SLC35D4: variants seen among roughly 807,000 people sequenced by gnomAD.
The protein encoded by SLC35D4 is UDP-N-acetylglucosamine transporter SLC35D4.
chr18:23,315,501 G>A, the SLC35D4 span, among the ~76,000 whole-genome samples: 26 of 152,292 alleles, frequency 1.7e-4, no homozygotes, highest in Non-Finnish European at 2.5e-4. Flanking sequence ...ATCTTTGAAC[G>A]TTCAGGGGCT....
At chr18:23,285,542 G>A in the SLC35D4 span, among the ~76,000 whole-genome samples, 2 of 152,030 alleles carry the variant, frequency 1.3e-5, no homozygotes, top group African/African-American at 4.8e-5. Flanking sequence ...GGTGCATGAC[G>A]TCCAGGCTTT....
the SLC35D4 span, among the ~76,000 whole-genome samples, chr18:23,395,213 T>C: frequency 1.3e-5 from 2 of 152,072 alleles, no homozygotes; most frequent in Non-Finnish European, 2.9e-5. Flanking sequence ...GGATGCTCCA[T>C]TCTACACCAA....
chr18:23,257,432 A>C, the SLC35D4 span: 1 of 1,489,034 alleles, frequency 6.7e-7, no homozygotes. Context: ...CTTACTTACT[A>C]CTGGAAATGA....
At chr18:23,387,360 TA>T in the SLC35D4 span, among the ~76,000 whole-genome samples, 2 of 152,206 alleles carry the variant, frequency 1.3e-5, no homozygotes, top group Non-Finnish European at 2.9e-5. Flanking sequence ...TCCTCCCCTG[TA>T]AAGCAGGGAT....
the SLC35D4 span, among the ~76,000 whole-genome samples, chr18:23,420,326 A>G: frequency 2.6e-5 from 4 of 151,946 alleles, no homozygotes; most frequent in Admixed American, 2.0e-4. Context: ...ATAATAATGA[A>G]ATCTGAGTAA....
the SLC35D4 span, among the ~76,000 whole-genome samples, chr18:23,354,352 A>AAAAG: frequency 1.2e-5 from 1 of 82,672 alleles, no homozygotes; most frequent in Non-Finnish European, 3.1e-5. Context: ...ATACAAAAAA[A>AAAAG]AAAAAAAAAA....
the SLC35D4 span, among the ~76,000 whole-genome samples, chr18:23,400,419 T>C: frequency 6.6e-6 from 1 of 151,612 alleles, no homozygotes; most frequent in Non-Finnish European, 1.5e-5. Context: ...AGGTCAGGAG[T>C]TCTAGACCAG....
At chr18:23,320,143 A>T in the SLC35D4 span, among the ~76,000 whole-genome samples, 2 of 152,134 alleles carry the variant, frequency 1.3e-5, no homozygotes, top group Admixed American at 1.3e-4. Flanking sequence ...CAATTCCACA[A>T]ATATTAGATC....
At chr18:23,246,538 C>T in the SLC35D4 span, among the ~76,000 whole-genome samples, 2 of 151,752 alleles carry the variant, frequency 1.3e-5, no homozygotes, top group Non-Finnish European at 2.9e-5. Context: ...ACTACAGGCA[C>T]CCGCCACCAC....
chr18:23,356,724 A>C, the SLC35D4 span: 19 of 1,531,160 alleles, frequency 1.2e-5, no homozygotes, highest in Non-Finnish European at 1.6e-5. This position sits in a 1 kb window ranked among gnomAD's most constrained non-coding sequence, Gnocchi z 4.1. Flanking sequence ...CCTCTGCCCC[A>C]TTGCCCCAGG....
At chr18:23,362,552 T>C in the SLC35D4 span, among the ~76,000 whole-genome samples, 1 of 152,054 alleles carries the variant, frequency 6.6e-6, no homozygotes, top group Non-Finnish European at 1.5e-5. Context: ...TGAGCCAAGA[T>C]TGCACCACTG....
At chr18:23,262,289 A>C in the SLC35D4 span, among the ~76,000 whole-genome samples, 1 of 152,240 alleles carries the variant, frequency 6.6e-6, no homozygotes, top group African/African-American at 2.4e-5. Flanking sequence ...CCAAGTACAG[A>C]GCTAACTTAC....
the SLC35D4 span, among the ~76,000 whole-genome samples, chr18:23,401,410 C>T: frequency 7.2e-5 from 11 of 152,198 alleles, no homozygotes; most frequent in Admixed American, 2.6e-4. Flanking sequence ...TATTCTGTTA[C>T]ACTAGTCGTG....
chr18:23,371,941 T>TTTTTTTTTTG, the SLC35D4 span, among the ~76,000 whole-genome samples: 1 of 26,306 alleles, frequency 3.8e-5, no homozygotes, highest in Non-Finnish European at 1.0e-4. Context: ...TTTTGTTTTT[T>TTTTTTTTTTG]TTTTTTTTTT....
chr18:23,291,213 A>C, the SLC35D4 span, among the ~76,000 whole-genome samples: 1 of 152,232 alleles, frequency 6.6e-6, no homozygotes, highest in African/African-American at 2.4e-5. Context: ...AGTGAAGAAC[A>C]GTGCTCCTAG....
chr18:23,353,435 G>A, the SLC35D4 span, among the ~76,000 whole-genome samples: 3 of 152,058 alleles, frequency 2.0e-5, no homozygotes, highest in Admixed American at 6.6e-5. Flanking sequence ...CCTCAGTTAC[G>A]GTACACATTA....
the SLC35D4 span, among the ~76,000 whole-genome samples, chr18:23,364,921 AAAAAAAAAAAAAG>A: frequency 1.9e-3 from 4 of 2,092 alleles, no homozygotes; most frequent in Non-Finnish European, 5.9e-3. Flanking sequence ...AAAAAAAAAA[AAAAAAAAAAAAAG>A]GACTCCTTTC....
At chr18:23,432,156 G>A in the SLC35D4 span, among the ~76,000 whole-genome samples, 1 of 152,158 alleles carries the variant, frequency 6.6e-6, no homozygotes, top group African/African-American at 2.4e-5. Context: ...GAGCATCTGA[G>A]TCACAGCCTG....
At chr18:23,365,007 G>A in the SLC35D4 span, among the ~76,000 whole-genome samples, 1 of 147,640 alleles carries the variant, frequency 6.8e-6, no homozygotes, top group African/African-American at 2.5e-5. Flanking sequence ...ATGCCAGATA[G>A]AAAGAGGGTA....
Sources: gnomAD v4.1 joint callset for allele counts (sites outside exome capture counted in the v4.1 genomes callset) on GRCh38, gnomAD v4.1.1 for gene constraint, Gnocchi (gnomAD v3.1) non-coding constraint, MANE v1.5 for transcripts, NCBI Gene and HGNC (gene_info 2026-07-23, HGNC 2026-07-21) for gene names.